Variants in TMEM232 observed in about 807,000 individuals in gnomAD.
TMEM232 encodes the protein transmembrane protein 232.
A neutral mutation model predicts 78.8 loss-of-function variants in TMEM232; 80 were observed. The observed-to-expected ratio is 1.01, with a 90% CI of 0.85 to 1.22. The LOEUF (loss-of-function observed/expected upper bound fraction) is 1.22. Ranked by LOEUF, TMEM232 falls within the 50% of genes most tolerant of loss-of-function variation. The probability of loss-of-function intolerance (pLI) is 0.00; values close to 1 mark genes in which losing one functional copy is unlikely to be tolerated. For missense variants in TMEM232, 881 were observed against 742.2 expected (o/e 1.19, Z -2.17); for synonymous variants, 297 against 254.3 (o/e 1.17, Z -1.60).
chr5:110,566,168 A>C (rs1480254106), intron 11 of TMEM232, among the ~76,000 whole-genome samples: 3 of 151,842 alleles, frequency 2.0e-5, no homozygotes, highest in Non-Finnish European at 4.4e-5. Context: ...TATGCTTTTT[A>C]TAGTCTGCTT....
chr5:110,447,423 T>C (rs1759788271), intron 12 of TMEM232, among the ~76,000 whole-genome samples: 1 of 151,962 alleles, frequency 6.6e-6, no homozygotes, highest in Non-Finnish European at 1.5e-5. Flanking sequence ...AGTACACAAA[T>C]GTATAGAGAG....
At chr5:110,656,558 G>A (rs970968585) in intron 2 of TMEM232, among the ~76,000 whole-genome samples, 3 of 152,194 alleles carry the variant, frequency 2.0e-5, no homozygotes, top group Non-Finnish European at 4.4e-5. Context: ...AAGAAAGTCA[G>A]GCCAGGCACA....
At chr5:110,517,852 GAGA>G (rs1768901926) in intron 12 of TMEM232, among the ~76,000 whole-genome samples, 1 of 152,214 alleles carries the variant, frequency 6.6e-6, no homozygotes, top group Admixed American at 6.5e-5. Flanking sequence ...GGCTCTGAAA[GAGA>G]AGTTTAATTT....
intron 4 of TMEM232, among the ~76,000 whole-genome samples, chr5:110,639,598 G>A (rs1212715540): frequency 1.3e-5 from 2 of 152,152 alleles, no homozygotes; most frequent in Non-Finnish European, 2.9e-5. Context: ...GTATAGGCAG[G>A]AAAGGCATGT....
chr5:110,468,126 T>G (rs1213057363), intron 12 of TMEM232, among the ~76,000 whole-genome samples: 1 of 151,982 alleles, frequency 6.6e-6, no homozygotes, highest in Admixed American at 6.6e-5. Context: ...GATACATTAC[T>G]TTACTTTAAA....
At chr5:110,620,577 A>ATCTCTCTATCTCTC (rs1783510315) in intron 7 of TMEM232, among the ~76,000 whole-genome samples, 2 of 43,090 alleles carry the variant, frequency 4.6e-5, no homozygotes, top group African/African-American at 7.4e-5. Context: ...TGTCTCTCAT[A>ATCTCTCTATCTCTC]TCTCTCTCTC....
intron 12 of TMEM232, among the ~76,000 whole-genome samples, chr5:110,478,199 T>C (rs1181165803): frequency 3.9e-5 from 6 of 151,970 alleles, no homozygotes; most frequent in East Asian, 1.9e-4. Context: ...TGCTATATGG[T>C]TCTCACTTTA....
chr5:110,648,013 T>C (rs938189549), intron 2 of TMEM232, among the ~76,000 whole-genome samples: 1 of 151,998 alleles, frequency 6.6e-6, no homozygotes, highest in African/African-American at 2.4e-5. Context: ...TTTTAAGTGG[T>C]AGAACATATT....
intron 2 of TMEM232, among the ~76,000 whole-genome samples, chr5:110,655,756 G>A (rs1242752995): frequency 2.0e-5 from 3 of 151,846 alleles, no homozygotes; most frequent in Non-Finnish European, 4.4e-5. Context: ...GTCCTCTGTA[G>A]GGACATGGAT....
intron 2 of TMEM232, among the ~76,000 whole-genome samples, chr5:110,650,973 T>C (rs1450918863): frequency 6.6e-6 from 1 of 152,116 alleles, no homozygotes; most frequent in Non-Finnish European, 1.5e-5. Context: ...TAAATGTATT[T>C]TACAAAAATA....
At chr5:110,510,535 G>T (rs1767596983) in intron 12 of TMEM232, among the ~76,000 whole-genome samples, 1 of 151,960 alleles carries the variant, frequency 6.6e-6, no homozygotes, top group Admixed American at 6.6e-5. Flanking sequence ...ATATTGAATG[G>T]CATATTTCAT....
chr5:110,542,652 G>C (rs1473998605), intron 11 of TMEM232, among the ~76,000 whole-genome samples: 2 of 151,006 alleles, frequency 1.3e-5, no homozygotes, highest in Admixed American at 6.6e-5. Flanking sequence ...GTGTCTCTCA[G>C]GGGGGAAATG....
intron 12 of TMEM232, among the ~76,000 whole-genome samples, chr5:110,523,746 A>G (rs1350613428): frequency 6.6e-6 from 1 of 151,914 alleles, no homozygotes; most frequent in African/African-American, 2.4e-5. Context: ...TGAGCCCAGG[A>G]GTTTGAGACT....
chr5:110,529,615 A>G (rs1263134183), intron 11 of TMEM232, among the ~76,000 whole-genome samples: 1 of 152,210 alleles, frequency 6.6e-6, no homozygotes, highest in Non-Finnish European at 1.5e-5. Context: ...TTTAGCTTAA[A>G]TTGACGATGT....
intron 12 of TMEM232, among the ~76,000 whole-genome samples, chr5:110,481,727 G>A (rs1157213001): frequency 6.6e-6 from 1 of 152,184 alleles, no homozygotes; most frequent in Non-Finnish European, 1.5e-5. Context: ...TTTGAGACAA[G>A]AGTAGACTTT....
intron 12 of TMEM232, among the ~76,000 whole-genome samples, chr5:110,507,620 C>G (rs1351968994): frequency 2.0e-5 from 3 of 152,200 alleles, no homozygotes; most frequent in African/African-American, 7.2e-5. Context: ...ACCTTGCTGA[C>G]TGTTAACAGG....
chr5:110,406,658 T>C (rs1219217762), intron 2 of TMEM232, among the ~76,000 whole-genome samples: 1 of 152,080 alleles, frequency 6.6e-6, no homozygotes, highest in Non-Finnish European at 1.5e-5. Flanking sequence ...AACCCACTGG[T>C]AAAATTAAGT....
chr5:110,703,540 G>A (rs1795639493), intron 1 of TMEM232, among the ~76,000 whole-genome samples: 1 of 151,954 alleles, frequency 6.6e-6, no homozygotes. Flanking sequence ...TTTGAAATTT[G>A]GCAAATGGAT....
chr5:110,537,292 T>TA (rs563922305), intron 11 of TMEM232, among the ~76,000 whole-genome samples: 16,619 of 138,502 alleles, frequency 0.12, 2,141 homozygotes, highest in African/African-American at 0.38. Context: ...TATATATATA[T>TA]TTTTTTTTTT....
Sources: allele counts gnomAD v4.1 joint callset (sites outside exome capture counted in the v4.1 genomes callset), GRCh38; gene constraint gnomAD v4.1.1; transcripts MANE v1.5; gene names NCBI Gene and HGNC (gene_info 2026-07-23, HGNC 2026-07-21).